The following IL19 variants were observed in gnomAD, a reference collection of about 807,000 sequenced individuals.
IL19 encodes interleukin-19.
In IL19, 15 loss-of-function variants were observed where a neutral mutation model predicts 19.5. The observed-to-expected ratio is 0.77, with a 90% CI of 0.52 to 1.19. The LOEUF (loss-of-function observed/expected upper bound fraction) is 1.19, where lower values mean the gene tolerates loss of function less well. Ranked by LOEUF, IL19 falls within the 50% of genes most tolerant of loss-of-function variation. The pLI, the probability that IL19 is intolerant of heterozygous loss-of-function variation, is 0.00. For synonymous variants in IL19, 78 were observed against 78.3 expected, an observed-to-expected ratio of 1.00 and a Z score of 0.02; for missense variants, 199 against 213.1, an observed-to-expected ratio of 0.93 and a Z score of 0.41.
At position 206,814,722 on chromosome 1, in the gene IL19, ACAC is replaced by A. The variant is rs1558615984; in HGVS notation, c.-3+15717_-3+15719del. 8.6e-3 allele frequency among the ~76,000 whole-genome samples: 1,306 copies of A among 151,398 alleles called. 16 individuals are homozygous for A. Among genetic ancestry groups the A allele is most frequent in the African/African-American group, 0.029 (1,202 of 41,022 alleles). On this transcript the variant is annotated intron_variant, in intron 2 of 6. Coordinates refer to ENST00000659997, the MANE Select transcript of IL19 (RefSeq NM_153758.5). Reference sequence around the variant, plus strand: ...CACACACACACACACACACACACACACACAATTCACTTTGAACATATGCAGAGT... The same window carrying A: ...CACACACACACACACACACACACACAAATTCACTTTGAACATATGCAGAGT...
intron 1 of IL19, among the ~76,000 whole-genome samples, chr1:206,782,250 T>C (rs1438491588): frequency 6.6e-6 from 1 of 152,104 alleles, no homozygotes; most frequent in East Asian, 1.9e-4. Context: ...TCTGCATTTT[T>C]TTCCAAGCAT....
chr1:206,838,333 A>G (rs1359185947), intron 4 of IL19, among the ~76,000 whole-genome samples: 4 of 152,204 alleles, frequency 2.6e-5, no homozygotes, highest in Non-Finnish European at 5.9e-5. Context: ...GGGATTTTGT[A>G]TGACAGAGTG....
intron 2 of IL19, among the ~76,000 whole-genome samples, chr1:206,820,526 T>G (rs1297027129): frequency 6.6e-6 from 1 of 152,198 alleles, no homozygotes; most frequent in African/African-American, 2.4e-5. Flanking sequence ...TGTTGATGCT[T>G]GTCATTTCCA....
At chr1:206,788,724 A>C (rs1471811167) in intron 1 of IL19, among the ~76,000 whole-genome samples, 1 of 152,272 alleles carries the variant, frequency 6.6e-6, no homozygotes, top group East Asian at 1.9e-4. Context: ...GAAAAGCATT[A>C]GGGTTTTCAC....
At chr1:206,832,123 G>C (rs1676625787) in intron 2 of IL19, among the ~76,000 whole-genome samples, 1 of 152,258 alleles carries the variant, frequency 6.6e-6, no homozygotes, top group Admixed American at 6.5e-5. Context: ...GGTGGGAGTA[G>C]GGGAGATTCC....
intron 5 of IL19, among the ~76,000 whole-genome samples, 155 bp from the exon 6 acceptor site, chr1:206,840,849 C>G (rs1433671894): frequency 6.6e-6 from 1 of 152,164 alleles, no homozygotes; most frequent in South Asian, 2.1e-4. Context: ...TACAGACAAG[C>G]TCTATTCTTC....
intron 2 of IL19, among the ~76,000 whole-genome samples, chr1:206,809,122 C>T (rs574099865): frequency 5.3e-4 from 80 of 152,152 alleles, no homozygotes; most frequent in African/African-American, 1.9e-3. Flanking sequence ...TGGGTGTTGC[C>T]CCCACTGCTT....
chr1:206,808,992 T>C (rs1429659505), intron 2 of IL19, among the ~76,000 whole-genome samples: 1 of 152,176 alleles, frequency 6.6e-6, no homozygotes, highest in Non-Finnish European at 1.5e-5. Context: ...AACAAACTTG[T>C]ACTACTCCCC....
intron 4 of IL19, among the ~76,000 whole-genome samples, chr1:206,837,623 T>C (rs1572575937): frequency 1.3e-5 from 1 of 77,630 alleles, no homozygotes; most frequent in African/African-American, 3.8e-5. Context: ...CTGAGGCTGG[T>C]AGGATTGCTT....
rs1182453353 is a variant in IL19 at position 206,842,554 on chromosome 1, T to A, written c.466T>A (p.Ser156Thr). 7 of 1,574,812 alleles carry A rather than the reference T, an allele frequency of 4.4e-6. No homozygotes were observed. The African/African-American group carries it at 6.7e-5, about 15-fold the overall frequency. Reference sequence around the variant, plus strand: ...GGAGGTCCACGCTGCTGCCATTAAATCCCTGGGAGAGCTCGACGTCTTTCT... The same window carrying A: ...GGAGGTCCACGCTGCTGCCATTAAAACCCTGGGAGAGCTCGACGTCTTTCT... Reference protein sequence around the residue: ...QLEVHAAAIKSLGELDVFLAW... With the variant: ...QLEVHAAAIKTLGELDVFLAW... Residue 156 changes from serine (S) to threonine (T), a missense_variant, in exon 7 of 7, where the codon TCC (serine) becomes ACC (threonine). By Grantham distance (58) the Ser-to-Thr change is moderately conservative. Transcript: ENST00000659997.
chr1:206,826,007 T>C (rs1676426683), intron 2 of IL19, among the ~76,000 whole-genome samples: 1 of 152,218 alleles, frequency 6.6e-6, no homozygotes, highest in South Asian at 2.1e-4. Flanking sequence ...CTAACTGTTA[T>C]ACACCCTCTG....
chr1:206,833,628 T>A (rs1676683872), intron 2 of IL19: 2 of 981,146 alleles, frequency 2.0e-6, no homozygotes, highest in Non-Finnish European at 2.4e-6. Flanking sequence ...AAAAGGTAAT[T>A]TAGTTAGAGA....
intron 1 of IL19, among the ~76,000 whole-genome samples, chr1:206,794,180 C>A (rs768507826): frequency 5.3e-5 from 8 of 152,166 alleles, no homozygotes; most frequent in Admixed American, 3.3e-4. Context: ...CATTGGCCAC[C>A]AGAACAACTC....
chr1:206,818,505 G>C (rs1036982115), intron 2 of IL19, among the ~76,000 whole-genome samples: 1 of 152,124 alleles, frequency 6.6e-6, no homozygotes, highest in Admixed American at 6.5e-5. Context: ...CTATACTTTC[G>C]GAAAGCAGAT....
At chr1:206,796,925 C>A (rs1176226095) in intron 1 of IL19, among the ~76,000 whole-genome samples, 3 of 152,226 alleles carry the variant, frequency 2.0e-5, no homozygotes, top group African/African-American at 7.2e-5. Context: ...GATTCTCACC[C>A]TTTGTCCAGC....
chr1:206,798,357 T>C (rs1675579741), intron 1 of IL19, among the ~76,000 whole-genome samples: 1 of 152,108 alleles, frequency 6.6e-6, no homozygotes, highest in South Asian at 2.1e-4. Flanking sequence ...AGTGGTGCTG[T>C]TGTGGACCTG....
At chr1:206,789,772 A>G (rs1037962632) in intron 1 of IL19, among the ~76,000 whole-genome samples, 1 of 151,920 alleles carries the variant, frequency 6.6e-6, no homozygotes, top group Admixed American at 6.6e-5. Flanking sequence ...GTTCCCCTCT[A>G]TGTGTCCATG....
intron 1 of IL19, among the ~76,000 whole-genome samples, chr1:206,777,873 T>A (rs567768813): frequency 6.6e-6 from 1 of 152,372 alleles, no homozygotes; most frequent in South Asian, 2.1e-4. Context: ...CGAATAAGCT[T>A]CCTCAGCTCC....
At chr1:206,840,930 T>C in intron 5 of IL19, 74 bp from the exon 6 acceptor site, 1 of 1,207,606 alleles carries the variant, frequency 8.3e-7, no homozygotes, top group Non-Finnish European at 1.2e-6. Context: ...TCACTTCTCA[T>C]GTGGGGAGGC....
Sources: allele counts gnomAD v4.1 joint callset (sites outside exome capture counted in the v4.1 genomes callset), GRCh38; gene constraint gnomAD v4.1.1; transcripts MANE v1.5; gene names NCBI Gene and HGNC (gene_info 2026-07-23, HGNC 2026-07-21).